KCNK2: variants seen among roughly 807,000 people sequenced by gnomAD.
KCNK2 encodes potassium two pore domain channel subfamily K member 2.
KCNK2 carries 21 observed loss-of-function variants against 40.5 expected under a neutral mutation model. The observed-to-expected ratio is 0.52, with a 90% CI of 0.37 to 0.75. The LOEUF is 0.75. Among genes scored for constraint, KCNK2 ranks in the 30% least tolerant of loss-of-function variants. KCNK2 has a pLI of 0.00. For missense variants in KCNK2, 399 were observed against 531.6 expected (o/e 0.75, Z 2.45); for synonymous variants, 191 against 202.2 (o/e 0.94, Z 0.47).
intron 1 of KCNK2, among the ~76,000 whole-genome samples, chr1:215,032,432 A>G (rs77249108): frequency 6.6e-6 from 1 of 152,066 alleles, no homozygotes; most frequent in Non-Finnish European, 1.5e-5. Flanking sequence ...AACAAAAAAC[A>G]GTAAACTTTT....
At chr1:215,066,918 C>A (rs545727528) in intron 1 of KCNK2, among the ~76,000 whole-genome samples, 21 of 152,064 alleles carry the variant, frequency 1.4e-4, no homozygotes, top group Non-Finnish European at 2.8e-4. Flanking sequence ...TGAAAAAATT[C>A]ATATGATATA....
At chr1:215,178,924 A>G (rs1261086453) in intron 5 of KCNK2, among the ~76,000 whole-genome samples, 1 of 152,044 alleles carries the variant, frequency 6.6e-6, no homozygotes, top group Non-Finnish European at 1.5e-5. Flanking sequence ...TAGGATTTGT[A>G]CCAGCTCTTC....
intron 2 of KCNK2, among the ~76,000 whole-genome samples, chr1:215,110,738 A>G (rs1042757716): frequency 4.1e-5 from 5 of 120,926 alleles, no homozygotes; most frequent in Non-Finnish European, 9.9e-5. Context: ...GTGATTTCCC[A>G]TATATTCCCT....
chr1:215,226,079 T>C (rs1666373179), intron 6 of KCNK2, among the ~76,000 whole-genome samples: 1 of 152,204 alleles, frequency 6.6e-6, no homozygotes, highest in Non-Finnish European at 1.5e-5. Flanking sequence ...GTTTTTAAAT[T>C]ATGTTGCCAC....
chr1:215,054,989 C>T (rs1243934439), intron 1 of KCNK2, among the ~76,000 whole-genome samples: 1 of 152,132 alleles, frequency 6.6e-6, no homozygotes, highest in Non-Finnish European at 1.5e-5. Context: ...GAATAATGAA[C>T]ATAGAATTAA....
At chr1:215,159,582 G>A (rs1210959473) in intron 3 of KCNK2, among the ~76,000 whole-genome samples, 1 of 152,058 alleles carries the variant, frequency 6.6e-6, no homozygotes, top group Non-Finnish European at 1.5e-5. Context: ...CAATTGGGGA[G>A]CATTTTAAAG....
intron 1 of KCNK2, among the ~76,000 whole-genome samples, chr1:215,014,827 G>C (rs530631117): frequency 6.6e-6 from 1 of 152,240 alleles, no homozygotes; most frequent in Non-Finnish European, 1.5e-5. Flanking sequence ...GTTCCATAGA[G>C]AGATGAATTT....
chr1:215,218,159 A>C (rs1054865779), intron 6 of KCNK2, among the ~76,000 whole-genome samples: 3 of 152,200 alleles, frequency 2.0e-5, no homozygotes, highest in Admixed American at 6.5e-5. Flanking sequence ...GTATAGGATA[A>C]TAGGGGAAAT....
rs759706512 is a variant in KCNK2, at chr1:215,172,179, T to C, written c.819T>C (p.Val273=). The C allele has an allele frequency of 3.1e-6, 5 of 1,611,400 alleles. No individual in the cohort carries two copies. The Admixed American group carries it at 5.0e-5, about 16-fold the overall frequency. ...TLTTIGFGDY[V]AGGSDIEYLD... ...CAACTATTGGATTTGGTGACTACGT[T>C]GCAGGTAAGCTTTTCCTGGCATCCA... Residue 273 remains valine (V), a synonymous_variant, in exon 5 of 7, where the codon GTT becomes GTC. Transcript: ENST00000444842.
chr1:215,214,371 T>C (rs1203438638), intron 6 of KCNK2, among the ~76,000 whole-genome samples: 1 of 152,138 alleles, frequency 6.6e-6, no homozygotes, highest in South Asian at 2.1e-4. Flanking sequence ...TCTGTCCCCA[T>C]GATCTAATCA....
intron 3 of KCNK2, among the ~76,000 whole-genome samples, chr1:215,154,593 C>T (rs934397877): frequency 2.0e-5 from 3 of 152,102 alleles, no homozygotes; most frequent in Non-Finnish European, 4.4e-5. Context: ...AATTATATCT[C>T]ATTTGTCAAT....
At chr1:215,208,774 C>A (rs1410259837) in intron 6 of KCNK2, among the ~76,000 whole-genome samples, 2 of 151,932 alleles carry the variant, frequency 1.3e-5, no homozygotes, top group African/African-American at 4.8e-5. Flanking sequence ...AGGAATTTCT[C>A]ACGAATGTCA....
intron 1 of KCNK2, among the ~76,000 whole-genome samples, chr1:215,040,946 A>G (rs1344823919): frequency 6.6e-6 from 1 of 152,142 alleles, no homozygotes; most frequent in Non-Finnish European, 1.5e-5. Context: ...CTAGCCAAGC[A>G]AAGAAGGTCT....
intron 3 of KCNK2, among the ~76,000 whole-genome samples, chr1:215,164,460 T>G (rs1291138897): frequency 6.6e-6 from 1 of 152,126 alleles, no homozygotes; most frequent in African/African-American, 2.4e-5. Context: ...TCTGCTAGCT[T>G]TTGAATGTGT....
chr1:215,214,451 C>A (rs1412629134), intron 6 of KCNK2, among the ~76,000 whole-genome samples: 1 of 152,172 alleles, frequency 6.6e-6, no homozygotes, highest in Non-Finnish European at 1.5e-5. Flanking sequence ...GGGATACATA[C>A]CCAAACCATA....
intron 6 of KCNK2, among the ~76,000 whole-genome samples, chr1:215,221,068 G>A (rs1374095199): frequency 1.3e-5 from 2 of 152,124 alleles, no homozygotes; most frequent in African/African-American, 2.4e-5. Flanking sequence ...TATAACTTTT[G>A]ACTCCTTAAA....
chr1:215,203,331 CT>C (rs1466636727), intron 6 of KCNK2, among the ~76,000 whole-genome samples: 1 of 152,134 alleles, frequency 6.6e-6, no homozygotes, highest in African/African-American at 2.4e-5. Flanking sequence ...ACCAAAATGT[CT>C]AATCTCTTTT....
chr1:215,077,465 T>C (rs1658984637), intron 1 of KCNK2, among the ~76,000 whole-genome samples: 1 of 152,178 alleles, frequency 6.6e-6, no homozygotes, highest in Admixed American at 6.6e-5. Flanking sequence ...GCTAAAGCAA[T>C]AATGTCCAAA....
intron 6 of KCNK2, among the ~76,000 whole-genome samples, chr1:215,207,611 A>C (rs1232721506): frequency 6.6e-6 from 1 of 152,242 alleles, no homozygotes; most frequent in Non-Finnish European, 1.5e-5. Flanking sequence ...AAGCAAATAA[A>C]TAAACAAATA....
Sources: allele counts gnomAD v4.1 joint callset (sites outside exome capture counted in the v4.1 genomes callset), GRCh38; gene constraint gnomAD v4.1.1; transcripts MANE v1.5; gene names NCBI Gene and HGNC (gene_info 2026-07-23, HGNC 2026-07-21).